Variants in KCTD1 observed in about 807,000 individuals in gnomAD.
KCTD1 encodes potassium channel tetramerization domain containing 1.
Under a neutral mutation model 66.0 loss-of-function variants are expected in KCTD1, and 24 were observed. That is an observed-to-expected ratio of 0.36 (90% CI 0.26 to 0.51). The LOEUF (loss-of-function observed/expected upper bound fraction) is 0.51, where lower values mean the gene tolerates loss of function less well. Among genes scored for constraint, KCTD1 ranks in the 20% least tolerant of loss-of-function variants. KCTD1 has a pLI of 0.95. For synonymous variants in KCTD1, 511 were observed against 517.2 expected (o/e 0.99, Z 0.16); for missense variants, 943 against 1,205.2 (o/e 0.78, Z 3.22).
chr18:26,613,293 TGACA>T (rs1350960370), intron 1 of KCTD1, among the ~76,000 whole-genome samples: 2 of 152,188 alleles, frequency 1.3e-5, no homozygotes, highest in Non-Finnish European at 2.9e-5. Context: ...TTCAAAGAAG[TGACA>T]CTCTGACGAT....
intron 1 of KCTD1, among the ~76,000 whole-genome samples, chr18:26,507,685 C>A (rs17799891): frequency 1.3e-5 from 2 of 152,000 alleles, no homozygotes; most frequent in Non-Finnish European, 2.9e-5. Context: ...TTTCTCCCTT[C>A]TTTACTGACA....
rs1456430100 is a variant in KCTD1, at chr18:26,455,614, AT to A, written c.*128del. The A allele has an allele frequency of 3.6e-6, 4 of 1,106,526 alleles. No individual in the cohort carries two copies. Among genetic ancestry groups the A allele is most frequent in the Non-Finnish European group, 5.3e-6 (4 of 750,828 alleles). 68.5% of individuals were successfully genotyped at this position (1,106,526 alleles called of 1,614,324 possible). On this transcript the variant is annotated 3_prime_UTR_variant, in exon 5 of 5. Transcript: ENST00000580059. ...AATACAGGTGTGGTCTCTATTGGATATAAATGTGTCTTTTATTCGATTTTAC... is the reference window on the plus strand; with the variant it reads ...AATACAGGTGTGGTCTCTATTGGATAAAATGTGTCTTTTATTCGATTTTAC...
upstream of KCTD1, among the ~76,000 whole-genome samples, chr18:26,550,713 C>T (rs2144854806): frequency 6.6e-6 from 1 of 152,354 alleles, no homozygotes; most frequent in African/African-American, 2.4e-5. The surrounding 1 kb of genome is among the most constrained non-coding windows in gnomAD (Gnocchi z 5.4). Context: ...CCGCCGCACC[C>T]GCCCTGGACA....
intron 1 of KCTD1, among the ~76,000 whole-genome samples, chr18:26,520,821 G>T (rs544822461): frequency 6.6e-6 from 1 of 152,312 alleles, no homozygotes; most frequent in East Asian, 1.9e-4. Context: ...CTTTGAACTG[G>T]CATGACATTA....
At chr18:26,498,890 A>G (rs1486450879) in intron 2 of KCTD1, among the ~76,000 whole-genome samples, 7 of 152,204 alleles carry the variant, frequency 4.6e-5, no homozygotes, top group Non-Finnish European at 1.0e-4. Flanking sequence ...GAATAATGAA[A>G]GTAGCAAATT....
chr18:26,524,000 A>G (rs572551591), intron 1 of KCTD1, among the ~76,000 whole-genome samples: 2 of 152,330 alleles, frequency 1.3e-5, no homozygotes, highest in South Asian at 4.1e-4. Flanking sequence ...ATTGAGCAGG[A>G]TTTGGAGACT....
rs1980981309 is a variant in KCTD1, at chr18:26,470,258, A to AGTAG, written c.2133+6256_2133+6257insCTAC. On this transcript the variant is annotated intron_variant, in intron 3 of 4. Transcript: ENST00000580059. Reference sequence around the variant, plus strand: ...CTTTCCCTTGCCTATTTCTCTTACTACAGAGGCTAAAAATAAGCGAAGAAA... The same window carrying AGTAG: ...CTTTCCCTTGCCTATTTCTCTTACTAGTAGCAGAGGCTAAAAATAAGCGAAGAAA... Among the ~76,000 whole-genome samples, 6 of 142,878 alleles carry AGTAG rather than the reference A, an allele frequency of 4.2e-5. No individual in the cohort carries two copies. In the South Asian group the frequency reaches 1.2e-3, roughly 29 times the overall value. 93.7% of individuals were successfully genotyped at this position (142,878 alleles called of 152,430 possible).
chr18:26,561,280 G>A (rs754315172), intron 1 of KCTD1, among the ~76,000 whole-genome samples: 1 of 152,178 alleles, frequency 6.6e-6, no homozygotes, highest in Non-Finnish European at 1.5e-5. Context: ...TGGGAGAAGA[G>A]AGTAGCATTG....
chr18:26,550,142 C>A (rs1290590651), upstream of KCTD1, among the ~76,000 whole-genome samples: 1 of 152,124 alleles, frequency 6.6e-6, no homozygotes, highest in African/African-American at 2.4e-5. This position sits in a 1 kb window ranked among gnomAD's most constrained non-coding sequence, Gnocchi z 5.4. Flanking sequence ...CGCCCCGGTG[C>A]CAGGCCGTCC....
chr18:26,598,397 T>A (rs915494107), intron 1 of KCTD1, among the ~76,000 whole-genome samples: 1 of 152,164 alleles, frequency 6.6e-6, no homozygotes, highest in Non-Finnish European at 1.5e-5. Context: ...ACTGTTAGAC[T>A]ATTATAAATG....
intron 1 of KCTD1, among the ~76,000 whole-genome samples, chr18:26,620,550 C>A (rs1376897339): frequency 6.7e-6 from 1 of 150,064 alleles, no homozygotes; most frequent in African/African-American, 2.5e-5. Flanking sequence ...TCTCCTCCCA[C>A]GTCAGTCTCC....
chr18:26,494,302 T>G (rs1447571885), intron 2 of KCTD1, among the ~76,000 whole-genome samples: 1 of 152,062 alleles, frequency 6.6e-6, no homozygotes, highest in East Asian at 1.9e-4. Context: ...GCCCAGGAAT[T>G]CAAGGCTACA....
rs78710578 is a variant in KCTD1, at chr18:26,571,250, G to A, written c.-16+57897C>T. On this transcript the variant is annotated intron_variant, in intron 1 of 4. Coordinates refer to the KCTD1 transcript ENST00000317932. ...AGTAAATACAAGTTATTGAATGAAC[G>A]AATGGGTAAGTAAGTAAATGAATGA... Among the ~76,000 whole-genome samples, 891 of 152,266 alleles carry A rather than the reference G, an allele frequency of 5.9e-3. 5 individuals carry two copies. The highest frequency in any genetic ancestry group is 8.1e-3 in the South Asian group (39 of 4,814).
intron 1 of KCTD1, chr18:26,600,107 C>T: frequency 1.9e-6 from 3 of 1,610,660 alleles, no homozygotes; most frequent in Non-Finnish European, 2.5e-6. Context: ...CTGCAGGCTG[C>T]TTCTTGTGGG....
chr18:26,547,173 G>A lies in KCTD1; in HGVS notation c.1364C>T (p.Ala455Val). ...SKTYTNHCIGAVSIATLNSIA... is the reference protein window; with the variant it reads ...SKTYTNHCIGVVSIATLNSIA... ...GCTGTTGAGCGTGGCGATGGAGACG[G>A]CGCCGATGCAGTGGTTGGTGTAGGT... Residue 455 changes from alanine (A) to valine (V), a missense_variant, in exon 1 of 5, where the codon GCC becomes GTC. Coordinates refer to ENST00000580059, the MANE Select transcript of KCTD1 (RefSeq NM_001142730.3). The A allele has an allele frequency of 6.4e-7, 1 of 1,551,202 alleles. No homozygotes were observed. Among genetic ancestry groups the A allele is most frequent in the Non-Finnish European group, 8.7e-7 (1 of 1,146,998 alleles).
chr18:26,625,637 C>A (rs901305530), intron 1 of KCTD1, among the ~76,000 whole-genome samples: 1 of 152,170 alleles, frequency 6.6e-6, no homozygotes, highest in Non-Finnish European at 1.5e-5. Context: ...TTTGGCAGTT[C>A]TTTATAGCAG....
intron 1 of KCTD1, among the ~76,000 whole-genome samples, chr18:26,602,163 A>G (rs1172320399): frequency 6.6e-6 from 1 of 152,086 alleles, no homozygotes; most frequent in African/African-American, 2.4e-5. Context: ...GAAGTTATTT[A>G]GTGGTTTTAT....
At chr18:26,624,723 T>G (rs1010432848) in intron 1 of KCTD1, among the ~76,000 whole-genome samples, 1 of 151,814 alleles carries the variant, frequency 6.6e-6, no homozygotes, top group African/African-American at 2.4e-5. Context: ...CTACGAGGAG[T>G]GCCCACTGGG....
intron 1 of KCTD1, among the ~76,000 whole-genome samples, chr18:26,561,865 C>T (rs79940754): frequency 0.019 from 2,828 of 152,234 alleles, 64 homozygotes; most frequent in African/African-American, 0.054. Context: ...AGCCCAGTCC[C>T]GTGCTGGCGT....
Sources: allele counts gnomAD v4.1 joint callset (sites outside exome capture counted in the v4.1 genomes callset), GRCh38; gene constraint gnomAD v4.1.1; non-coding constraint Gnocchi (gnomAD v3.1); transcripts MANE v1.5; gene names NCBI Gene and HGNC (gene_info 2026-07-23, HGNC 2026-07-21).